The following SCHIP1 variants were observed in gnomAD, a reference collection of about 807,000 sequenced individuals.
SCHIP1 encodes the protein schwannomin interacting protein 1, also known as schwannomin-interacting protein 1.
A neutral mutation model predicts 29.7 loss-of-function variants in SCHIP1; 8 were observed. That is an observed-to-expected ratio of 0.27 (90% CI 0.16 to 0.49). The LOEUF is 0.49. Among genes scored for constraint, SCHIP1 ranks in the 20% least tolerant of loss-of-function variants. SCHIP1 has a pLI of 0.99. For missense variants in SCHIP1, 193 were observed against 294.6 expected, an observed-to-expected ratio of 0.66 and a Z score of 2.52; for synonymous variants, 76 against 94.9, an observed-to-expected ratio of 0.80 and a Z score of 1.16.
chr3:159,477,920 CTTT>C, the SCHIP1 span, among the ~76,000 whole-genome samples: 16 of 98,288 alleles, frequency 1.6e-4, no homozygotes, highest in African/African-American at 5.1e-4. Context: ...CATTTTAAAT[CTTT>C]TTTTTTTTTT....
the SCHIP1 span, among the ~76,000 whole-genome samples, chr3:159,477,922 T>TTTC: frequency 5.2e-4 from 64 of 123,216 alleles, no homozygotes; most frequent in Middle Eastern, 4.0e-3. Context: ...TTTTAAATCT[T>TTTC]TTTTTTTTTT....
the SCHIP1 span, among the ~76,000 whole-genome samples, chr3:159,364,984 T>C: frequency 0.016 from 2,473 of 152,276 alleles, 58 homozygotes; most frequent in African/African-American, 0.056. Flanking sequence ...CAGTGCAAAA[T>C]GAAGCACCTA....
the SCHIP1 span, among the ~76,000 whole-genome samples, chr3:159,555,815 C>T: frequency 6.6e-6 from 1 of 152,036 alleles, no homozygotes; most frequent in African/African-American, 2.4e-5. Flanking sequence ...CTGTGTTTTC[C>T]AAACCAAAAT....
At chr3:159,794,229 C>T in the SCHIP1 span, among the ~76,000 whole-genome samples, 1 of 152,222 alleles carries the variant, frequency 6.6e-6, no homozygotes, top group Non-Finnish European at 1.5e-5. Context: ...TCAGCCACAG[C>T]TTCCCTCCTC....
chr3:159,512,861 C>T, the SCHIP1 span, among the ~76,000 whole-genome samples: 34 of 152,210 alleles, frequency 2.2e-4, no homozygotes, highest in Non-Finnish European at 4.3e-4. Flanking sequence ...CACTACACTT[C>T]CCAGCCTCTG....
At chr3:159,833,200 T>G in the SCHIP1 span, among the ~76,000 whole-genome samples, 1 of 152,228 alleles carries the variant, frequency 6.6e-6, no homozygotes, top group East Asian at 1.9e-4. Context: ...TATCAAAAGT[T>G]GGAAGTCCTA....
the SCHIP1 span, among the ~76,000 whole-genome samples, chr3:159,299,011 C>CA: frequency 4.6e-5 from 7 of 152,076 alleles, no homozygotes; most frequent in Non-Finnish European, 7.4e-5. Flanking sequence ...GTGTCTTCAA[C>CA]AAAAAACTTT....
At chr3:159,440,222 G>C in the SCHIP1 span, among the ~76,000 whole-genome samples, 2 of 152,062 alleles carry the variant, frequency 1.3e-5, no homozygotes, top group African/African-American at 4.8e-5. Context: ...TAGGTATGCA[G>C]TCTTATTTCT....
the SCHIP1 span, among the ~76,000 whole-genome samples, chr3:159,521,016 T>G: frequency 1.3e-5 from 2 of 152,228 alleles, no homozygotes; most frequent in African/African-American, 2.4e-5. Context: ...AGTGTAAATG[T>G]CAAGTCAAAG....
the SCHIP1 span, among the ~76,000 whole-genome samples, chr3:159,311,879 A>ATAAT: frequency 3.4e-4 from 52 of 152,316 alleles, no homozygotes; most frequent in African/African-American, 1.3e-3. Context: ...GAGTGACCAT[A>ATAAT]TAATTTATCT....
the SCHIP1 span, among the ~76,000 whole-genome samples, chr3:159,691,812 C>G: frequency 9.2e-5 from 14 of 152,106 alleles, no homozygotes; most frequent in Non-Finnish European, 1.6e-4. Context: ...CAAAATCCCT[C>G]AGCATTTGCT....
chr3:159,786,972 G>A, the SCHIP1 span, among the ~76,000 whole-genome samples: 220 of 152,282 alleles, frequency 1.4e-3, no homozygotes, highest in African/African-American at 5.2e-3. Context: ...GAGTAGGTGC[G>A]TGACTGGCCA....
the SCHIP1 span, among the ~76,000 whole-genome samples, chr3:159,482,177 T>C: frequency 6.6e-6 from 1 of 152,180 alleles, no homozygotes; most frequent in Non-Finnish European, 1.5e-5. Flanking sequence ...AAAGGTATGT[T>C]GGGACAAGGT....
chr3:159,694,835 C>T, the SCHIP1 span, among the ~76,000 whole-genome samples: 1 of 152,246 alleles, frequency 6.6e-6, no homozygotes, highest in South Asian at 2.1e-4. Context: ...TCAGTCCCTT[C>T]CAACTGAGCA....
At chr3:159,722,426 C>T in the SCHIP1 span, 1 of 152,284 alleles carries the variant, frequency 6.6e-6, no homozygotes, top group Non-Finnish European at 1.5e-5. Flanking sequence ...CGGCACTTCT[C>T]AAAGTATTCA....
the SCHIP1 span, among the ~76,000 whole-genome samples, chr3:159,700,843 G>A: frequency 2.0e-5 from 3 of 151,748 alleles, no homozygotes; most frequent in African/African-American, 7.3e-5. Context: ...ATGCAGTTCT[G>A]AGACAGAAAA....
the SCHIP1 span, among the ~76,000 whole-genome samples, chr3:159,527,819 T>C: frequency 6.6e-6 from 1 of 152,182 alleles, no homozygotes; most frequent in South Asian, 2.1e-4. Context: ...AAAGGATAAA[T>C]CTTTCATGCA....
At chr3:159,530,922 G>T in the SCHIP1 span, among the ~76,000 whole-genome samples, 1 of 152,148 alleles carries the variant, frequency 6.6e-6, no homozygotes, top group Admixed American at 6.5e-5. Context: ...GCCCAGTGAT[G>T]ATTTTTAATG....
chr3:159,770,065 G>T, the SCHIP1 span, among the ~76,000 whole-genome samples: 1 of 152,178 alleles, frequency 6.6e-6, no homozygotes, highest in African/African-American at 2.4e-5. Flanking sequence ...GTGGATTTTT[G>T]TGTGGCTTCT....
Sources: allele counts gnomAD v4.1 joint callset (sites outside exome capture counted in the v4.1 genomes callset), GRCh38; gene constraint gnomAD v4.1.1; transcripts MANE v1.5; gene names NCBI Gene and HGNC (gene_info 2026-07-23, HGNC 2026-07-21).